COL8A1: variants seen among roughly 807,000 people sequenced by gnomAD.
COL8A1 encodes collagen alpha-1(VIII) chain.
COL8A1 carries 21 observed loss-of-function variants against 42.7 expected under a neutral mutation model. The observed-to-expected ratio is 0.49, with a 90% CI of 0.35 to 0.71. The LOEUF (loss-of-function observed/expected upper bound fraction) is 0.71. Among genes scored for constraint, COL8A1 ranks in the 30% least tolerant of loss-of-function variants. The probability of loss-of-function intolerance (pLI) is 0.01; values close to 1 mark genes in which losing one functional copy is unlikely to be tolerated. For missense variants in COL8A1, 788 were observed against 962.4 expected (o/e 0.82, Z 2.40); for synonymous variants, 367 against 369.1 (o/e 0.99, Z 0.06).
Position 99,655,648 on chromosome 3 carries a change from A to G in COL8A1, c.-129+16984A>G, listed in dbSNP as rs114070569. On this transcript the variant is annotated intron_variant, in intron 1 of 3. Transcript: ENST00000652472. ...CATTTATCTAAAATTCTAACTTTTG[A>G]CAATTTCAACTTCATAGTACACAAT... is the stretch of plus-strand genomic sequence containing the variant. Among the ~76,000 whole-genome samples the G allele has an allele frequency of 4.4e-3, 669 of 152,384 alleles. 7 individuals are homozygous for G. Among genetic ancestry groups the G allele is most frequent in the African/African-American group, 0.015 (639 of 41,584 alleles).
At chr3:99,755,395 C>G (rs747525218) in intron 2 of COL8A1, among the ~76,000 whole-genome samples, 3 of 152,044 alleles carry the variant, frequency 2.0e-5, no homozygotes, top group Non-Finnish European at 4.4e-5. Flanking sequence ...TTCACTCAAC[C>G]AATATGTGTT....
intron 2 of COL8A1, among the ~76,000 whole-genome samples, chr3:99,759,042 C>T (rs1447778088): frequency 6.6e-6 from 1 of 151,910 alleles, no homozygotes; most frequent in Non-Finnish European, 1.5e-5. Flanking sequence ...TCAGGAAAAC[C>T]CTTCTTGACA....
chr3:99,773,837 A>ATATATATATATTT (rs1200212756), intron 2 of COL8A1, among the ~76,000 whole-genome samples: 1 of 45,394 alleles, frequency 2.2e-5, no homozygotes, highest in Non-Finnish European at 3.6e-5. Flanking sequence ...ATATATATAT[A>ATATATATATATTT]TTTTTTTTTT....
chr3:99,700,270 G>A (rs1275652287), intron 1 of COL8A1, among the ~76,000 whole-genome samples: 4 of 151,828 alleles, frequency 2.6e-5, no homozygotes, highest in Non-Finnish European at 5.9e-5. Flanking sequence ...CGTTCTGCAC[G>A]TGTATCCTGT....
chr3:99,775,001 GT>G (rs1348328937), intron 2 of COL8A1, among the ~76,000 whole-genome samples: 1 of 152,234 alleles, frequency 6.6e-6, no homozygotes. Flanking sequence ...GGAAGAAACA[GT>G]GGTAGGTGTG....
At chr3:99,785,734 G>A (rs1213723379) in intron 2 of COL8A1, among the ~76,000 whole-genome samples, 1 of 152,178 alleles carries the variant, frequency 6.6e-6, no homozygotes, top group Non-Finnish European at 1.5e-5. Context: ...GAAAGACTGT[G>A]TGAAGACGCA....
intron 1 of COL8A1, among the ~76,000 whole-genome samples, chr3:99,658,577 T>C (rs1938102888): frequency 1.3e-5 from 2 of 152,190 alleles, no homozygotes; most frequent in Admixed American, 1.3e-4. Flanking sequence ...CCAACCAGTC[T>C]GTCCCCAGCA....
intron 1 of COL8A1, among the ~76,000 whole-genome samples, chr3:99,664,314 A>G (rs1477572494): frequency 1.3e-5 from 2 of 152,162 alleles, no homozygotes; most frequent in African/African-American, 4.8e-5. Flanking sequence ...AATTAATGTA[A>G]CAAGATATTT....
intron 1 of COL8A1, among the ~76,000 whole-genome samples, chr3:99,653,676 G>C (rs932759342): frequency 1.3e-5 from 2 of 150,960 alleles, no homozygotes; most frequent in Non-Finnish European, 2.9e-5. Flanking sequence ...CTCATCCCGT[G>C]AGTTTCTGGA....
At chr3:99,652,297 T>G (rs900926959) in intron 1 of COL8A1, among the ~76,000 whole-genome samples, 47 of 152,176 alleles carry the variant, frequency 3.1e-4, no homozygotes, top group African/African-American at 1.0e-3. Flanking sequence ...CTTTGAAACA[T>G]GAAAATAATC....
intron 2 of COL8A1, among the ~76,000 whole-genome samples, chr3:99,752,681 GC>G (rs900657474): frequency 6.8e-6 from 1 of 146,174 alleles, no homozygotes; most frequent in African/African-American, 2.5e-5. Flanking sequence ...TCTCCCTCAC[GC>G]CCCCCACATG....
In COL8A1 at chr3:99,790,724, G is replaced by T; in HGVS notation, c.42G>T (p.Leu14=). The T allele has an allele frequency of 1.2e-6, 2 of 1,614,158 alleles. No homozygotes were observed. Among genetic ancestry groups the T allele is most frequent in the Non-Finnish European group, 1.7e-6 (2 of 1,180,032 alleles). ...GCCCTCTGCAGCTGCTGGGAGTGCTGCTTACCATTTCCCTGAGTTCCATCA... is the reference window on the plus strand; with the variant it reads ...GCCCTCTGCAGCTGCTGGGAGTGCTTCTTACCATTTCCCTGAGTTCCATCA... ...LPGPLQLLGV[L]LTISLSSIRL... Residue 14 remains leucine (L), a synonymous_variant, in exon 3 of 4, where the codon CTG becomes CTT. Transcript: ENST00000652472.
intron 1 of COL8A1, among the ~76,000 whole-genome samples, chr3:99,641,766 C>T (rs577972642): frequency 3.3e-5 from 5 of 152,144 alleles, no homozygotes; most frequent in Non-Finnish European, 7.4e-5. Context: ...GCCTTGACCT[C>T]CTTCTCTTCA....
At chr3:99,695,561 T>A (rs192071515) in intron 1 of COL8A1, among the ~76,000 whole-genome samples, 1 of 152,248 alleles carries the variant, frequency 6.6e-6, no homozygotes, top group East Asian at 1.9e-4. Flanking sequence ...TTCTTTCTTC[T>A]CCTTCCCTCC....
At chr3:99,732,944 C>T (rs1405238795) in intron 1 of COL8A1, among the ~76,000 whole-genome samples, 1 of 151,974 alleles carries the variant, frequency 6.6e-6, no homozygotes, top group Non-Finnish European at 1.5e-5. Flanking sequence ...GGACTACAGG[C>T]CGCATGCAAG....
chr3:99,743,664 T>C (rs1173494834), intron 1 of COL8A1, among the ~76,000 whole-genome samples: 2 of 152,200 alleles, frequency 1.3e-5, no homozygotes, highest in Admixed American at 1.3e-4. Context: ...TCCATCACAC[T>C]AGCCATATTT....
chr3:99,723,767 G>A, intron 1 of COL8A1, among the ~76,000 whole-genome samples: 1 of 152,002 alleles, frequency 6.6e-6, no homozygotes, highest in Non-Finnish European at 1.5e-5. Context: ...AACTCCAAAG[G>A]AAAACTTTCT....
intron 2 of COL8A1, among the ~76,000 whole-genome samples, chr3:99,771,990 CT>C (rs1559632137): frequency 6.6e-6 from 1 of 152,180 alleles, no homozygotes; most frequent in East Asian, 1.9e-4. Context: ...TCATGAATAC[CT>C]TCCAATGTTG....
chr3:99,655,995 C>A (rs1938009916), intron 1 of COL8A1, among the ~76,000 whole-genome samples: 1 of 152,182 alleles, frequency 6.6e-6, no homozygotes, highest in African/African-American at 2.4e-5. Flanking sequence ...TCACTGTGGA[C>A]ACAAATAGTT....
Sources: gnomAD v4.1 joint callset for allele counts (sites outside exome capture counted in the v4.1 genomes callset) on GRCh38, gnomAD v4.1.1 for gene constraint, MANE v1.5 for transcripts, NCBI Gene and HGNC (gene_info 2026-07-23, HGNC 2026-07-21) for gene names.